FBXO34: variants seen among roughly 807,000 people sequenced by gnomAD.
The protein encoded by FBXO34 is F-box only protein 34.
FBXO34 carries 12 observed loss-of-function variants against 24.5 expected under a neutral mutation model. The ratio of observed to expected loss-of-function variants is 0.49; its 90% CI spans 0.31 to 0.79. FBXO34 has a LOEUF of 0.79. FBXO34 is among the 30% of genes least tolerant of loss of function. The pLI is 0.04. For synonymous variants in FBXO34, 320 were observed against 311.9 expected (o/e 1.03, Z -0.27); for missense variants, 823 against 857.7 (o/e 0.96, Z 0.51).
chr14:55,424,124 C>T, the FBXO34 span: 1 of 1,482,778 alleles, frequency 6.7e-7, no homozygotes, highest in Non-Finnish European at 9.4e-7. Flanking sequence ...ATAGCAATTA[C>T]ATTTTATGAG....
chr14:55,420,563 C>T, the FBXO34 span, among the ~76,000 whole-genome samples: 1 of 152,162 alleles, frequency 6.6e-6, no homozygotes. Context: ...TTTTACTTCA[C>T]AGTATAAGCA....
At chr14:55,412,006 G>C in the FBXO34 span, 18 of 612,896 alleles carry the variant, frequency 2.9e-5, no homozygotes, top group South Asian at 9.9e-5. Context: ...AACAGGTCCC[G>C]AAGCAGGGGG....
At chr14:55,305,654 A>G (rs1882517708) in intron 1 of FBXO34, among the ~76,000 whole-genome samples, 1 of 149,994 alleles carries the variant, frequency 6.7e-6, no homozygotes, top group African/African-American at 2.5e-5. Flanking sequence ...AGATCGTGCC[A>G]CTGCACTCCT....
chr14:55,398,339 T>G, the FBXO34 span, among the ~76,000 whole-genome samples: 1 of 152,184 alleles, frequency 6.6e-6, no homozygotes, highest in East Asian at 1.9e-4. Context: ...TTGTTTTCTT[T>G]TTGCAGTTTA....
At chr14:55,382,512 T>TG in the FBXO34 span, among the ~76,000 whole-genome samples, 3 of 152,018 alleles carry the variant, frequency 2.0e-5, no homozygotes, top group Non-Finnish European at 4.4e-5. Context: ...TTTGTAGAGA[T>TG]GGGGTCTCAC....
At chr14:55,390,926 C>T in the FBXO34 span, 1 of 1,598,722 alleles carries the variant, frequency 6.3e-7, no homozygotes, top group Non-Finnish European at 8.5e-7. Flanking sequence ...TCCATTTCTT[C>T]ATTTCCTTTA....
chr14:55,399,998 T>C, the FBXO34 span, among the ~76,000 whole-genome samples: 1 of 152,224 alleles, frequency 6.6e-6, no homozygotes, highest in Admixed American at 6.5e-5. Flanking sequence ...TATCAAATAT[T>C]GAAAGGAATG....
the FBXO34 span, among the ~76,000 whole-genome samples, chr14:55,409,202 A>C: frequency 2.0e-5 from 3 of 152,250 alleles, no homozygotes; most frequent in South Asian, 6.2e-4. Flanking sequence ...GAAGAGAAAA[A>C]GAAAAGTATA....
chr14:55,436,073 A>G, the FBXO34 span: 4 of 519,614 alleles, frequency 7.7e-6, no homozygotes, highest in Non-Finnish European at 9.9e-6. Flanking sequence ...GAAATACATG[A>G]CATGATTCCT....
intron 1 of FBXO34, among the ~76,000 whole-genome samples, chr14:55,299,614 AGATT>A (rs1882276878): frequency 6.6e-6 from 1 of 152,180 alleles, no homozygotes; most frequent in African/African-American, 2.4e-5. Flanking sequence ...CAAAACTAAC[AGATT>A]GATCTGTTGC....
chr14:55,356,277 C>G (rs1010510739), downstream of FBXO34, among the ~76,000 whole-genome samples: 2 of 152,216 alleles, frequency 1.3e-5, no homozygotes, highest in Non-Finnish European at 2.9e-5. Flanking sequence ...TTATCTACAG[C>G]CTGATACAAA....
chr14:55,436,718 A>G, the FBXO34 span: 30 of 1,614,122 alleles, frequency 1.9e-5, no homozygotes, highest in Middle Eastern at 4.9e-4. Flanking sequence ...GAATTTGACA[A>G]ACTGCTGCTG....
downstream of FBXO34, chr14:55,369,751 C>T: frequency 1.2e-6 from 2 of 1,614,172 alleles, no homozygotes; most frequent in Non-Finnish European, 1.7e-6. Flanking sequence ...CTTCCACAGA[C>T]TGGGAAGGGA....
chr14:55,380,685 C>G, the FBXO34 span: 3 of 1,595,166 alleles, frequency 1.9e-6, no homozygotes, highest in Non-Finnish European at 2.6e-6. Context: ...TTACTCTGCT[C>G]CATGTCTGCA....
chr14:55,387,100 G>T, the FBXO34 span, among the ~76,000 whole-genome samples: 1 of 151,924 alleles, frequency 6.6e-6, no homozygotes, highest in East Asian at 1.9e-4. Flanking sequence ...CTCCAACACG[G>T]CTCGACTCCA....
downstream of FBXO34, among the ~76,000 whole-genome samples, chr14:55,371,463 T>TA (rs1884814406): frequency 6.6e-6 from 1 of 152,160 alleles, no homozygotes; most frequent in African/African-American, 2.4e-5. Context: ...AATTGGAAGA[T>TA]ACGCCATGGG....
the FBXO34 span, among the ~76,000 whole-genome samples, chr14:55,405,548 C>T: frequency 6.6e-6 from 1 of 152,138 alleles, no homozygotes; most frequent in Admixed American, 6.5e-5. Flanking sequence ...GATACATTTC[C>T]CCAGGTATCC....
chr14:55,305,590 G>A (rs1882515296), intron 1 of FBXO34, among the ~76,000 whole-genome samples: 1 of 151,002 alleles, frequency 6.6e-6, no homozygotes, highest in Non-Finnish European at 1.5e-5. Context: ...CCAGCTACTC[G>A]GGAGGCTGAG....
At chr14:55,391,093 A>T in the FBXO34 span, 7 of 761,254 alleles carry the variant, frequency 9.2e-6, no homozygotes, top group Non-Finnish European at 1.5e-5. Flanking sequence ...GTCAGAAAAC[A>T]TAATGAAGAA....
Sources: gnomAD v4.1 joint callset for allele counts (sites outside exome capture counted in the v4.1 genomes callset) on GRCh38, gnomAD v4.1.1 for gene constraint, MANE v1.5 for transcripts, NCBI Gene and HGNC (gene_info 2026-07-23, HGNC 2026-07-21) for gene names.